SH2D4A: variants seen among roughly 807,000 people sequenced by gnomAD.
SH2D4A encodes the protein SH2 domain-containing protein 4A.
SH2D4A carries 70 observed loss-of-function variants against 64.7 expected under a neutral mutation model. That is an observed-to-expected ratio of 1.08 (90% CI 0.89 to 1.32). SH2D4A has a LOEUF of 1.32. SH2D4A is among the 40% of genes most tolerant of loss of function. The pLI, the probability that SH2D4A is intolerant of heterozygous loss-of-function variation, is 0.00. For synonymous variants in SH2D4A, 268 were observed against 200.7 expected, an observed-to-expected ratio of 1.34 and a Z score of -2.83; for missense variants, 706 against 540.1, an observed-to-expected ratio of 1.31 and a Z score of -3.04.
rs149989390 is a variant in SH2D4A, at chr8:19,338,546, G to T, written c.513+3689G>T. Among the ~76,000 whole-genome samples, 204 of 152,312 alleles carry T rather than the reference G, an allele frequency of 1.3e-3. 2 individuals carry two copies. The highest frequency in any genetic ancestry group is 4.7e-3 in the African/African-American group (196 of 41,542). On this transcript the variant is annotated intron_variant, in intron 4 of 9. Coordinates refer to ENST00000265807, the MANE Select transcript of SH2D4A (RefSeq NM_022071.4). ...TTCCTGGTTGAGGTCAGAGGGAGATGTGGCTATAGGATAATGATCAGAGAC... is the reference window on the plus strand; with the variant it reads ...TTCCTGGTTGAGGTCAGAGGGAGATTTGGCTATAGGATAATGATCAGAGAC...
intron 4 of SH2D4A, among the ~76,000 whole-genome samples, chr8:19,340,438 C>G (rs1312154681): frequency 6.6e-6 from 1 of 151,920 alleles, no homozygotes; most frequent in Non-Finnish European, 1.5e-5. Flanking sequence ...GCTTGGATGC[C>G]TGGGAGAATG....
intron 2 of SH2D4A, among the ~76,000 whole-genome samples, chr8:19,328,205 C>T (rs2052312720): frequency 6.6e-6 from 1 of 152,198 alleles, no homozygotes; most frequent in South Asian, 2.1e-4. Context: ...CCAGTGGCTT[C>T]AATAACGCCA....
intron 9 of SH2D4A, among the ~76,000 whole-genome samples, chr8:19,394,313 C>G (rs750098729): frequency 2.0e-5 from 3 of 152,204 alleles, no homozygotes; most frequent in Non-Finnish European, 2.9e-5. Flanking sequence ...GTCCATGGCC[C>G]TGGGGTTGGG....
intron 5 of SH2D4A, among the ~76,000 whole-genome samples, chr8:19,360,363 A>G (rs1585180495): frequency 6.7e-6 from 1 of 149,982 alleles, no homozygotes; most frequent in South Asian, 2.1e-4. Flanking sequence ...GCCTGTAATC[A>G]CAGCACTTTG....
intron 2 of SH2D4A, among the ~76,000 whole-genome samples, chr8:19,331,164 G>A (rs1295224073): frequency 1.3e-5 from 2 of 152,192 alleles, no homozygotes; most frequent in Non-Finnish European, 2.9e-5. Context: ...AAGAAAGCAC[G>A]AGCCTGGCTT....
At chr8:19,376,046 T>C (rs2053190659) in intron 8 of SH2D4A, among the ~76,000 whole-genome samples, 1 of 152,044 alleles carries the variant, frequency 6.6e-6, no homozygotes, top group Non-Finnish European at 1.5e-5. Flanking sequence ...TACCTTAGGG[T>C]TCTTGCAGTT....
chr8:19,368,205 T>A lies in SH2D4A; in HGVS notation c.917+3923T>A, dbSNP rs148066468. Among the ~76,000 whole-genome samples, 4 of 152,298 alleles carry A rather than the reference T, an allele frequency of 2.6e-5. No individual in the cohort carries two copies. In the East Asian group the frequency reaches 7.7e-4, roughly 29 times the overall value. ...TTATTTCTGGGTTCTTTATTCTGTT[T>A]CATTGTTTATGTGTGTGTTTTTATG... is the stretch of plus-strand genomic sequence containing the variant. On this transcript the variant is annotated intron_variant, in intron 7 of 9. Coordinates refer to ENST00000265807, the MANE Select transcript of SH2D4A (RefSeq NM_022071.4).
At chr8:19,339,966 G>GGA (rs1050395518) in intron 4 of SH2D4A, among the ~76,000 whole-genome samples, 32 of 152,136 alleles carry the variant, frequency 2.1e-4, no homozygotes, top group Admixed American at 1.9e-3. Flanking sequence ...GGTTGGGGAG[G>GGA]GAGAGAGAGA....
intron 2 of SH2D4A, among the ~76,000 whole-genome samples, chr8:19,332,500 G>A (rs2052377455): frequency 6.6e-6 from 1 of 151,858 alleles, no homozygotes; most frequent in Non-Finnish European, 1.5e-5. Context: ...TGGTCGTGGT[G>A]GCAGATGCCT....
At chr8:19,345,121 G>GATC (rs1168769040) in intron 4 of SH2D4A, among the ~76,000 whole-genome samples, 1 of 152,160 alleles carries the variant, frequency 6.6e-6, no homozygotes, top group East Asian at 1.9e-4. Context: ...ATTGTTTAGT[G>GATC]ATCATAGAGC....
chr8:19,391,432 T>C (rs1307229104), intron 8 of SH2D4A, among the ~76,000 whole-genome samples: 1 of 152,144 alleles, frequency 6.6e-6, no homozygotes, highest in African/African-American at 2.4e-5. Context: ...CGACTGGACA[T>C]GATACATGCA....
At chr8:19,372,179 C>T (rs1304555459) in intron 7 of SH2D4A, among the ~76,000 whole-genome samples, 1 of 152,162 alleles carries the variant, frequency 6.6e-6, no homozygotes, top group Admixed American at 6.6e-5. Flanking sequence ...TTTCAGAGGC[C>T]CTTCCAGAAA....
chr8:19,323,896 A>C (rs1434511582), intron 2 of SH2D4A, among the ~76,000 whole-genome samples: 2 of 152,184 alleles, frequency 1.3e-5, no homozygotes, highest in Non-Finnish European at 2.9e-5. Flanking sequence ...GAGGAAAGTC[A>C]AGCTCAGGGA....
chr8:19,347,810 A>G (rs147623157), intron 4 of SH2D4A, among the ~76,000 whole-genome samples: 231 of 152,320 alleles, frequency 1.5e-3, no homozygotes, highest in African/African-American at 5.4e-3. Flanking sequence ...AGCCTTGAGC[A>G]AAAGTCTTCC....
chr8:19,319,586 T>G lies in SH2D4A; in HGVS notation c.39T>G (p.Pro13=). The stretch of plus-strand genomic sequence containing the variant: ...TACTGTCGGAGATGTACATAGATCC[T>G]GATCTACTGGCAGAGCTCAGCGAAG... ...KQILSEMYID[P]DLLAELSEEQ... Residue 13 remains proline (P), a synonymous_variant, in exon 2 of 10, where the codon CCT becomes CCG. Coordinates refer to ENST00000265807, the MANE Select transcript of SH2D4A (RefSeq NM_022071.4). 1 of 1,602,804 alleles carries G rather than the reference T, an allele frequency of 6.2e-7. No individual in the cohort carries two copies. The highest frequency in any genetic ancestry group is 8.5e-7 in the Non-Finnish European group (1 of 1,175,860).
chr8:19,373,327 C>A (rs191165241), intron 7 of SH2D4A, among the ~76,000 whole-genome samples: 2 of 144,690 alleles, frequency 1.4e-5, no homozygotes. Context: ...TCTCTCCCCC[C>A]ACCCCCACAC....
chr8:19,314,622 C>T (rs747916715), intron 1 of SH2D4A, among the ~76,000 whole-genome samples: 3 of 152,188 alleles, frequency 2.0e-5, no homozygotes, highest in Non-Finnish European at 4.4e-5. Flanking sequence ...AAGCGTGGCA[C>T]CTCCCCCTTT....
chr8:19,387,930 A>G (rs2053418684), intron 8 of SH2D4A, among the ~76,000 whole-genome samples: 1 of 152,234 alleles, frequency 6.6e-6, no homozygotes, highest in African/African-American at 2.4e-5. Flanking sequence ...AATAACGCTA[A>G]TAGTTCTGAT....
Position 19,364,083 on chromosome 8 carries a change from A to G in SH2D4A, c.718A>G (p.Lys240Glu), listed in dbSNP as rs1445186430. Residue 240 changes from lysine (K) to glutamate (E), a missense_variant, in exon 7 of 10, where the codon AAA (lysine) becomes GAA (glutamate). Physicochemically the swap from Lys to Glu is moderately conservative, Grantham distance 56 (BLOSUM62 1). Coordinates refer to ENST00000265807, the MANE Select transcript of SH2D4A (RefSeq NM_022071.4). ...SEWQASLRKSKAADEKRRSLA... is the reference protein window; with the variant it reads ...SEWQASLRKSEAADEKRRSLA... ...CGTTGTTTTTCCAGTGCGAAAATCC[A>G]AAGCAGCTGATGAGAAGAGACGCTC... 1.9e-6 allele frequency: 3 copies of G among 1,613,960 alleles called. No homozygotes were observed. The highest frequency in any genetic ancestry group is 2.5e-6 in the Non-Finnish European group (3 of 1,179,880).
Sources: allele counts gnomAD v4.1 joint callset (sites outside exome capture counted in the v4.1 genomes callset), GRCh38; gene constraint gnomAD v4.1.1; transcripts MANE v1.5; gene names NCBI Gene and HGNC (gene_info 2026-07-23, HGNC 2026-07-21).